MACROD2: variants seen among roughly 807,000 people sequenced by gnomAD.
The protein encoded by MACROD2 is mono-ADP ribosylhydrolase 2.
In MACROD2, 36 loss-of-function variants were observed where a neutral mutation model predicts 70.4. The ratio of observed to expected loss-of-function variants is 0.51; its 90% CI spans 0.39 to 0.68. The LOEUF (loss-of-function observed/expected upper bound fraction) is 0.68, where lower values mean the gene tolerates loss of function less well. Among genes scored for constraint, MACROD2 ranks in the 30% least tolerant of loss-of-function variants. The pLI, the probability that MACROD2 is intolerant of heterozygous loss-of-function variation, is 0.00. For synonymous variants in MACROD2, 172 were observed against 178.8 expected (o/e 0.96, Z 0.30); for missense variants, 496 against 538.4 (o/e 0.92, Z 0.78).
intron 2 of MACROD2, among the ~76,000 whole-genome samples, chr20:14,009,764 A>G (rs752371546): frequency 6.6e-6 from 1 of 152,246 alleles, no homozygotes. Context: ...TGTGGTACAT[A>G]TACACCATGC....
At chr20:14,947,374 T>C (rs79280859) in intron 5 of MACROD2, among the ~76,000 whole-genome samples, 8,005 of 152,284 alleles carry the variant, frequency 0.053, 317 homozygotes, top group East Asian at 0.17. Context: ...CCCTTGTGTA[T>C]GCTCTGCAAA....
chr20:14,724,787 C>A (rs2071508744), intron 5 of MACROD2, among the ~76,000 whole-genome samples: 1 of 152,138 alleles, frequency 6.6e-6, no homozygotes, highest in Middle Eastern at 3.2e-3. Context: ...ACTGTAGAGT[C>A]CTGTAAGCCA....
intron 3 of MACROD2, among the ~76,000 whole-genome samples, chr20:14,397,722 TA>T (rs1481218753): frequency 1.3e-5 from 2 of 152,200 alleles, no homozygotes; most frequent in Admixed American, 6.5e-5. Context: ...TACAAACATT[TA>T]TTTTTTTTGT....
At chr20:14,073,334 C>CAA (rs879879856) in intron 2 of MACROD2, among the ~76,000 whole-genome samples, 6 of 130,416 alleles carry the variant, frequency 4.6e-5, no homozygotes, top group African/African-American at 1.1e-4. Flanking sequence ...GACTCCATCT[C>CAA]AAAAAAAAAA....
chr20:15,493,605 A>G (rs975429058), intron 7 of MACROD2, among the ~76,000 whole-genome samples: 3 of 152,188 alleles, frequency 2.0e-5, no homozygotes, highest in Non-Finnish European at 2.9e-5. Flanking sequence ...ATATCAGGTG[A>G]ACAAAATTAG....
At position 15,764,369 on chromosome 20, in the gene MACROD2, C is replaced by T. The variant is rs1430973440; in HGVS notation, c.646-98376C>T. ...TGTTCTGTTCATCCATTTAATACCA[C>T]CTTGAAATTCATAGTTTTCTACAGG... On this transcript the variant is annotated intron_variant, in intron 8 of 17. Transcript: ENST00000684519. Among the ~76,000 whole-genome samples, 4 of 152,156 alleles carry T rather than the reference C, an allele frequency of 2.6e-5. No individual in the cohort carries two copies. The South Asian group carries it at 6.2e-4, about 24-fold the overall frequency.
At chr20:14,750,412 G>A (rs1017690569) in intron 5 of MACROD2, among the ~76,000 whole-genome samples, 1 of 151,892 alleles carries the variant, frequency 6.6e-6, no homozygotes, top group Non-Finnish European at 1.5e-5. Flanking sequence ...TGTTATTTAC[G>A]ATCATTAAAA....
intron 9 of MACROD2, among the ~76,000 whole-genome samples, chr20:15,882,112 T>TC (rs2064762902): frequency 6.6e-6 from 1 of 152,116 alleles, no homozygotes; most frequent in Non-Finnish European, 1.5e-5. Flanking sequence ...AAAGATAACT[T>TC]CCCCTTTGCC....
intron 10 of MACROD2, among the ~76,000 whole-genome samples, chr20:15,905,853 C>T (rs893087713): frequency 1.3e-5 from 2 of 152,206 alleles, no homozygotes; most frequent in South Asian, 4.1e-4. Context: ...TGCCTGTTCT[C>T]TCCTACCTCT....
chr20:15,388,981 A>G (rs578222819), intron 6 of MACROD2, among the ~76,000 whole-genome samples: 24 of 149,248 alleles, frequency 1.6e-4, no homozygotes, highest in African/African-American at 5.7e-4. Context: ...GAAGTGGCCA[A>G]CAGGGTCAAA....
intron 5 of MACROD2, among the ~76,000 whole-genome samples, chr20:15,214,597 T>C (rs565902780): frequency 6.6e-6 from 1 of 152,294 alleles, no homozygotes; most frequent in South Asian, 2.1e-4. Flanking sequence ...ACAAAACATA[T>C]TTGATTTAAT....
chr20:14,316,519 C>T (rs551923356), intron 3 of MACROD2, among the ~76,000 whole-genome samples: 17 of 152,108 alleles, frequency 1.1e-4, no homozygotes, highest in Middle Eastern at 3.2e-3. Flanking sequence ...TGAATGTGGC[C>T]CAACACAGAT....
intron 6 of MACROD2, among the ~76,000 whole-genome samples, chr20:15,327,217 ATTTG>A (rs535005253): frequency 2.3e-4 from 35 of 152,238 alleles, no homozygotes; most frequent in African/African-American, 8.4e-4. Flanking sequence ...AGAAAGGCCT[ATTTG>A]TTCAGATTAC....
intron 4 of MACROD2, among the ~76,000 whole-genome samples, chr20:14,663,190 T>C (rs934379118): frequency 6.6e-6 from 1 of 151,836 alleles, no homozygotes; most frequent in African/African-American, 2.4e-5. Context: ...AGGACAGGGA[T>C]GGAGGTGGAA....
At chr20:15,639,318 A>G (rs1246270372) in intron 8 of MACROD2, among the ~76,000 whole-genome samples, 3 of 152,246 alleles carry the variant, frequency 2.0e-5, no homozygotes, top group Non-Finnish European at 4.4e-5. Flanking sequence ...TCATAATCAG[A>G]ACTGCTCACG....
chr20:14,463,779 C>T (rs571786124), intron 3 of MACROD2, among the ~76,000 whole-genome samples: 11 of 152,002 alleles, frequency 7.2e-5, no homozygotes, highest in Non-Finnish European at 1.6e-4. Context: ...TTTTCTGCAT[C>T]TATTGAGATA....
At chr20:14,084,145 G>A (rs375367257) in intron 2 of MACROD2, among the ~76,000 whole-genome samples, 1 of 149,744 alleles carries the variant, frequency 6.7e-6, no homozygotes, top group South Asian at 2.1e-4. Context: ...GACAGAGAAA[G>A]GATCATTTTT....
intron 3 of MACROD2, among the ~76,000 whole-genome samples, chr20:14,241,097 CAG>C (rs2081925319): frequency 6.6e-6 from 1 of 151,944 alleles, no homozygotes; most frequent in Non-Finnish European, 1.5e-5. Context: ...GCCTGGGTGA[CAG>C]AGTGAGACTC....
intron 3 of MACROD2, among the ~76,000 whole-genome samples, chr20:14,281,597 T>G (rs2082306469): frequency 1.3e-5 from 2 of 152,170 alleles, no homozygotes; most frequent in Admixed American, 1.3e-4. Flanking sequence ...AATTCTGTAC[T>G]TTACAATGGT....
Sources: allele counts gnomAD v4.1 joint callset (sites outside exome capture counted in the v4.1 genomes callset), GRCh38; gene constraint gnomAD v4.1.1; transcripts MANE v1.5; gene names NCBI Gene and HGNC (gene_info 2026-07-23, HGNC 2026-07-21).